The following TF variants were observed in gnomAD, a reference collection of about 807,000 sequenced individuals.
The protein encoded by TF is transferrin, also known as serotransferrin.
In TF, 55 loss-of-function variants were observed where a neutral mutation model predicts 82.4. The ratio of observed to expected loss-of-function variants is 0.67; its 90% CI spans 0.54 to 0.84. TF has a LOEUF of 0.84. TF is among the 40% of genes least tolerant of loss of function. The pLI is 0.00. For synonymous variants in TF, 332 were observed against 332.6 expected, an observed-to-expected ratio of 1.00 and a Z score of 0.02; for missense variants, 737 against 868.4, an observed-to-expected ratio of 0.85 and a Z score of 1.90.
At chr3:133,722,576 T>C in the TF span, among the ~76,000 whole-genome samples, 1 of 152,172 alleles carries the variant, frequency 6.6e-6, no homozygotes, top group Non-Finnish European at 1.5e-5. Flanking sequence ...GTGATTTATT[T>C]ATCTGTGGTT....
At chr3:133,702,970 A>T in the TF span, among the ~76,000 whole-genome samples, 1 of 152,300 alleles carries the variant, frequency 6.6e-6, no homozygotes, top group East Asian at 1.9e-4. Flanking sequence ...GTTAGCTGTT[A>T]TTATTATTCA....
chr3:133,668,207 A>G, the TF span, among the ~76,000 whole-genome samples: 4 of 152,216 alleles, frequency 2.6e-5, no homozygotes, highest in Non-Finnish European at 4.4e-5. Context: ...TCTGAACCCA[A>G]CCAGAAACCT....
chr3:133,682,426 G>A, the TF span, among the ~76,000 whole-genome samples: 1 of 152,156 alleles, frequency 6.6e-6, no homozygotes, highest in Non-Finnish European at 1.5e-5. Context: ...AAAGAAGGAT[G>A]TTCAAACCCA....
chr3:133,732,527 C>G, the TF span, among the ~76,000 whole-genome samples: 9 of 152,316 alleles, frequency 5.9e-5, no homozygotes, highest in East Asian at 9.6e-4. Flanking sequence ...ACTCCGGTTC[C>G]TTTTCACAGT....
chr3:133,736,202 C>G, the TF span, among the ~76,000 whole-genome samples: 1 of 152,156 alleles, frequency 6.6e-6, no homozygotes, highest in Non-Finnish European at 1.5e-5. Context: ...TCCAGCCAAA[C>G]TAAGCTTCCT....
chr3:133,775,028 T>C, intron 14 of TF: 4 of 327,668 alleles, frequency 1.2e-5, no homozygotes, highest in South Asian at 1.1e-4. Context: ...TGAGGAAAAG[T>C]TCTTTTGTTT....
the TF span, among the ~76,000 whole-genome samples, chr3:133,682,723 C>T: frequency 1.3e-5 from 2 of 148,950 alleles, no homozygotes; most frequent in African/African-American, 5.0e-5. Flanking sequence ...AAGACAAAAT[C>T]TACGTCTGAT....
At chr3:133,764,740 T>A in intron 10 of TF, 135 bp from the exon 11 acceptor site, 2 of 820,788 alleles carry the variant, frequency 2.4e-6, no homozygotes, top group South Asian at 3.3e-5. Context: ...AGTCTGGACT[T>A]GTTGGGAATT....
intron 2 of TF, among the ~76,000 whole-genome samples, chr3:133,749,894 C>T (rs146839375): frequency 1.3e-5 from 2 of 152,228 alleles, no homozygotes; most frequent in East Asian, 3.9e-4. Flanking sequence ...GAACGCAGGG[C>T]TCTGTAGAGT....
In TF at chr3:133,755,355, C is replaced by G. The variant is rs1933795825; in HGVS notation, c.503-8C>G. ...ATGCTCTGTTGTCCATTTCTCTGTG[C>G]TGAGCAGCAGTGGCCAATTTCTTCT... On this transcript the variant is annotated splice_polypyrimidine_tract_variant and splice_region_variant and intron_variant, in intron 4 of 16. Coordinates refer to ENST00000402696, the MANE Select transcript of TF (RefSeq NM_001063.4). The G allele has an allele frequency of 6.2e-7, 1 of 1,614,098 alleles. No homozygotes were observed. Among genetic ancestry groups the G allele is most frequent in the East Asian group, 2.2e-5 (1 of 44,896 alleles).
chr3:133,723,897 C>G, the TF span, among the ~76,000 whole-genome samples: 1 of 151,650 alleles, frequency 6.6e-6, no homozygotes, highest in Non-Finnish European at 1.5e-5. Context: ...TGAGTGAGAA[C>G]ATGTGCTGTT....
At chr3:133,672,497 T>TA in the TF span, among the ~76,000 whole-genome samples, 1 of 149,932 alleles carries the variant, frequency 6.7e-6, no homozygotes, top group Admixed American at 6.6e-5. Context: ...CAGCAATATG[T>TA]AAAAAAATGT....
At chr3:133,696,845 A>G in the TF span, among the ~76,000 whole-genome samples, 1 of 151,776 alleles carries the variant, frequency 6.6e-6, no homozygotes, top group Non-Finnish European at 1.5e-5. Context: ...AGAATTTTGG[A>G]CAGTTTACCA....
chr3:133,722,848 T>A, the TF span, among the ~76,000 whole-genome samples: 1 of 151,596 alleles, frequency 6.6e-6, no homozygotes, highest in African/African-American at 2.4e-5. Flanking sequence ...TTTGATTTAT[T>A]TAATTACTTC....
the TF span, among the ~76,000 whole-genome samples, chr3:133,718,905 G>A: frequency 6.6e-5 from 10 of 152,164 alleles, no homozygotes; most frequent in Non-Finnish European, 1.2e-4. Flanking sequence ...GAAGGGGCAT[G>A]AAGGAAAGAC....
the TF span, among the ~76,000 whole-genome samples, chr3:133,724,068 G>A: frequency 1.3e-5 from 2 of 152,122 alleles, no homozygotes; most frequent in Admixed American, 1.3e-4. Context: ...TTGGACATTT[G>A]GGTTGGTTCC....
At chr3:133,758,486 G>A (rs544066028) in intron 8 of TF, among the ~76,000 whole-genome samples, 1 of 152,298 alleles carries the variant, frequency 6.6e-6, no homozygotes, top group South Asian at 2.1e-4. Flanking sequence ...TGTTGTCCTG[G>A]AAATTTCAAA....
chr3:133,756,235 A>G, intron 5 of TF, 47 bp from the exon 6 acceptor site: 1 of 1,594,800 alleles, frequency 6.3e-7, no homozygotes, highest in Non-Finnish European at 8.6e-7. Context: ...GGTGCAGGAG[A>G]AGGGCCTGCC....
chr3:133,705,803 A>C, the TF span, among the ~76,000 whole-genome samples: 1 of 152,210 alleles, frequency 6.6e-6, no homozygotes. Flanking sequence ...ATACTGGCTC[A>C]AAGGTAAAGG....
Sources: gnomAD v4.1 joint callset for allele counts (sites outside exome capture counted in the v4.1 genomes callset) on GRCh38, gnomAD v4.1.1 for gene constraint, MANE v1.5 for transcripts, NCBI Gene and HGNC (gene_info 2026-07-23, HGNC 2026-07-21) for gene names.